The following ARMC8 variants were observed in gnomAD, a reference collection of about 807,000 sequenced individuals.
ARMC8 encodes the protein armadillo repeat-containing protein 8.
In ARMC8, 20 loss-of-function variants were observed where a neutral mutation model predicts 99.3. The observed-to-expected ratio is 0.20, with a 90% CI of 0.14 to 0.29. The LOEUF (loss-of-function observed/expected upper bound fraction) is 0.29. Among genes scored for constraint, ARMC8 ranks in the 10% least tolerant of loss-of-function variants. The pLI, the probability that ARMC8 is intolerant of heterozygous loss-of-function variation, is 1.00. For missense variants in ARMC8, 569 were observed against 809.5 expected (o/e 0.70, Z 3.60); for synonymous variants, 263 against 278.3 (o/e 0.95, Z 0.55).
intron 1 of ARMC8, among the ~76,000 whole-genome samples, chr3:138,197,704 T>C (rs574642423): frequency 1.3e-5 from 2 of 152,342 alleles, no homozygotes; most frequent in East Asian, 3.9e-4. Flanking sequence ...AGATAGTTCT[T>C]GCTCCCTTGG....
chr3:138,288,246 C>T (rs2050610850), intron 19 of ARMC8, among the ~76,000 whole-genome samples: 1 of 152,184 alleles, frequency 6.6e-6, no homozygotes, highest in African/African-American at 2.4e-5. Flanking sequence ...TATTCACTTT[C>T]TTCCCCAAAG....
At chr3:138,250,481 C>T (rs558426907) in intron 12 of ARMC8, among the ~76,000 whole-genome samples, 4 of 152,058 alleles carry the variant, frequency 2.6e-5, no homozygotes, top group Non-Finnish European at 5.9e-5. Context: ...TAGGCTCTTT[C>T]TGTAGAGTAT....
At chr3:138,201,703 C>T (rs1475769298) in intron 1 of ARMC8, among the ~76,000 whole-genome samples, 7 of 152,038 alleles carry the variant, frequency 4.6e-5, no homozygotes, top group African/African-American at 1.2e-4. Flanking sequence ...TCACTCTCTG[C>T]CCGCCTCGGT....
intron 21 of ARMC8, 58 bp downstream of exon 21, chr3:138,290,697 G>C: frequency 3.5e-6 from 4 of 1,131,658 alleles, no homozygotes; most frequent in East Asian, 2.6e-5. Flanking sequence ...TTCGTGAAAG[G>C]GTTTGAATTG....
At chr3:138,201,038 C>T (rs2044034476) in intron 1 of ARMC8, among the ~76,000 whole-genome samples, 1 of 150,950 alleles carries the variant, frequency 6.6e-6, no homozygotes, top group African/African-American at 2.4e-5. Flanking sequence ...TCAGCTTCCC[C>T]AGTAGCTGGG....
chr3:138,269,897 GC>G (rs2048628640), intron 15 of ARMC8, 142 bp from the exon 16 acceptor site: 5 of 345,834 alleles, frequency 1.4e-5, no homozygotes, highest in Non-Finnish European at 2.6e-5. Context: ...GATTTTTATG[GC>G]TACATCACTC....
At chr3:138,189,768 C>T (rs2043272179) in intron 1 of ARMC8, among the ~76,000 whole-genome samples, 1 of 152,218 alleles carries the variant, frequency 6.6e-6, no homozygotes, top group African/African-American at 2.4e-5. Flanking sequence ...TCAGTTCACA[C>T]ATCTGCATTG....
intron 18 of ARMC8, among the ~76,000 whole-genome samples, chr3:138,276,620 T>G (rs2049321635): frequency 6.6e-6 from 1 of 152,210 alleles, no homozygotes; most frequent in East Asian, 1.9e-4. Context: ...TGTATTTTTA[T>G]ATACTAGCAG....
At chr3:138,250,658 G>T (rs924283719) in intron 12 of ARMC8, among the ~76,000 whole-genome samples, 4 of 152,140 alleles carry the variant, frequency 2.6e-5, no homozygotes, top group Admixed American at 6.5e-5. Flanking sequence ...ACCTAACTTT[G>T]ATGACCTAAT....
chr3:138,219,998 G>C (rs1400466929), intron 2 of ARMC8, among the ~76,000 whole-genome samples: 1 of 152,168 alleles, frequency 6.6e-6, no homozygotes, highest in African/African-American at 2.4e-5. Context: ...TTAGGGTTGG[G>C]AGTTCTGGAA....
intron 13 of ARMC8, 96 bp from the exon 14 acceptor site, chr3:138,264,035 T>A: frequency 8.7e-7 from 1 of 1,150,356 alleles, no homozygotes; most frequent in South Asian, 1.3e-5. Context: ...TAGATATGCT[T>A]GAAGTGTACA....
chr3:138,291,047 C>G (rs1443642142), intron 21 of ARMC8, among the ~76,000 whole-genome samples: 1 of 152,218 alleles, frequency 6.6e-6, no homozygotes, highest in African/African-American at 2.4e-5. Flanking sequence ...ACAAAAGCTA[C>G]CACTAAGGAA....
intron 19 of ARMC8, among the ~76,000 whole-genome samples, chr3:138,288,423 AT>A (rs1453801097): frequency 6.6e-6 from 1 of 152,208 alleles, no homozygotes; most frequent in African/African-American, 2.4e-5. Flanking sequence ...TGAATCATAA[AT>A]TGCAAACTGT....
At chr3:138,252,423 T>C (rs2047159984) in intron 12 of ARMC8, among the ~76,000 whole-genome samples, 1 of 151,622 alleles carries the variant, frequency 6.6e-6, no homozygotes, top group African/African-American at 2.4e-5. Flanking sequence ...GCCCACCCTG[T>C]GCTAATACTG....
chr3:138,256,061 C>T (rs1030731729), intron 12 of ARMC8, among the ~76,000 whole-genome samples: 3 of 152,242 alleles, frequency 2.0e-5, no homozygotes, highest in African/African-American at 7.2e-5. Flanking sequence ...AAACATCTTA[C>T]ATTGGAGCAG....
chr3:138,226,279 C>G (rs961579183), intron 5 of ARMC8, among the ~76,000 whole-genome samples: 1 of 152,366 alleles, frequency 6.6e-6, no homozygotes, highest in East Asian at 1.9e-4. Context: ...CAGGCGTGAG[C>G]CACTGCGCCC....
chr3:138,261,260 T>C (rs1357624201), intron 12 of ARMC8, among the ~76,000 whole-genome samples: 7 of 152,168 alleles, frequency 4.6e-5, no homozygotes, highest in Non-Finnish European at 8.8e-5. Flanking sequence ...GCTAAGTAAA[T>C]TGTTTTGGTT....
In ARMC8 at chr3:138,229,134, G is replaced by GTATATATATA. The variant is rs71146119; in HGVS notation, c.528+164_528+173dup. On this transcript the variant is annotated intron_variant, in intron 6 of 21. Coordinates refer to ENST00000469044, the MANE Select transcript of ARMC8 (RefSeq NM_001363941.2). ...TATAAGTAGACCTGTGTGTGTGCGT[G>GTATATATATA]TATATATATATATATATATATATAT... is the stretch of plus-strand genomic sequence containing the variant. 4.5e-4 allele frequency: 35 copies of GTATATATATA among 78,574 alleles called. 1 individual carries two copies. The highest frequency in any genetic ancestry group is 5.3e-4 in the Non-Finnish European group (23 of 43,608). 4.9% of individuals were successfully genotyped at this position (78,574 alleles called of 1,614,324 possible).
intron 1 of ARMC8, among the ~76,000 whole-genome samples, chr3:138,194,103 C>T (rs1213943886): frequency 1.3e-5 from 2 of 149,944 alleles, no homozygotes; most frequent in African/African-American, 2.5e-5. Context: ...AGTGCAGTGG[C>T]GCGACCTCAG....
Sources: allele counts gnomAD v4.1 joint callset (sites outside exome capture counted in the v4.1 genomes callset), GRCh38; gene constraint gnomAD v4.1.1; transcripts MANE v1.5; gene names NCBI Gene and HGNC (gene_info 2026-07-23, HGNC 2026-07-21).